VWA5B1: variants seen among roughly 807,000 people sequenced by gnomAD.
The protein encoded by VWA5B1 is von Willebrand factor A domain-containing protein 5B1.
Under a neutral mutation model 118.2 loss-of-function variants are expected in VWA5B1, and 115 were observed. That is an observed-to-expected ratio of 0.97 (90% CI 0.84 to 1.14). The LOEUF (loss-of-function observed/expected upper bound fraction) is 1.14, where lower values mean the gene tolerates loss of function less well. Among genes scored for constraint, VWA5B1 ranks in the 50% most tolerant of loss-of-function variants. The probability of loss-of-function intolerance (pLI) is 0.00; values close to 1 mark genes in which losing one functional copy is unlikely to be tolerated. For missense variants in VWA5B1, 1,596 were observed against 1,603.8 expected, an observed-to-expected ratio of 1.00 and a Z score of 0.08; for synonymous variants, 682 against 658.4, an observed-to-expected ratio of 1.04 and a Z score of -0.55.
At chr1:20,345,708 G>T in intron 17 of VWA5B1, 115 bp downstream of exon 17, 1 of 1,395,010 alleles carries the variant, frequency 7.2e-7, no homozygotes, top group Non-Finnish European at 9.4e-7. Flanking sequence ...GTGAGACAGG[G>T]CCTAGAAGCA....
intron 8 of VWA5B1, among the ~76,000 whole-genome samples, chr1:20,325,602 C>G (rs2100904167): frequency 6.6e-6 from 1 of 152,318 alleles, no homozygotes; most frequent in South Asian, 2.1e-4. Flanking sequence ...GGACTGAAAG[C>G]CTGTCCAATC....
chr1:20,357,880 C>T lies in VWA5B1; in HGVS notation c.*3617C>T, dbSNP rs2090257308. Among the ~76,000 whole-genome samples the T allele has an allele frequency of 6.6e-6, 1 of 152,142 alleles. No homozygotes were observed. ...GACCACAATAGCTCATGGTATTGCACAGCCAGAGGGGAGTTGGTGCTGGGG... is the reference window on the plus strand; with the variant it reads ...GACCACAATAGCTCATGGTATTGCATAGCCAGAGGGGAGTTGGTGCTGGGG... On this transcript the variant is annotated 3_prime_UTR_variant, in exon 22 of 22. Coordinates refer to ENST00000289815, the MANE Select transcript of VWA5B1 (RefSeq NM_001039500.3).
Position 20,352,163 on chromosome 1 carries a change from C to T in VWA5B1, c.3132C>T (p.Tyr1044=), listed in dbSNP as rs2090143162. ...ESTSGNQSFD[Y]IPLVSLQLAS... ...CCTCCGGGAACCAGAGCTTCGACTACATACCTCTGGTGAGTGCCCTGACCC... is the reference window on the plus strand; with the variant it reads ...CCTCCGGGAACCAGAGCTTCGACTATATACCTCTGGTGAGTGCCCTGACCC... Residue 1044 remains tyrosine (Y), a synonymous_variant, in exon 21 of 22, where the codon TAC becomes TAT. Coordinates refer to ENST00000289815, the MANE Select transcript of VWA5B1 (RefSeq NM_001039500.3). 3 of 1,550,920 alleles carry T rather than the reference C, an allele frequency of 1.9e-6. No individual in the cohort carries two copies. Among genetic ancestry groups the T allele is most frequent in the African/African-American group, 1.4e-5 (1 of 73,026 alleles).
At position 20,291,387 on chromosome 1, in the gene VWA5B1, T is replaced by TCTCTCTCTCTCTCTCTCTCTCTA. The variant is rs57894456; in HGVS notation, c.-27+299_-27+300insCTCTCTCTCTCTCTCTCTCTCTA. Reference sequence around the variant, plus strand: ...TCTCTCTCTCTCTCTCTCTCTCTCTTTCTGTCTCCTCTATTTCTCTCCCTC... The same window carrying TCTCTCTCTCTCTCTCTCTCTCTA: ...TCTCTCTCTCTCTCTCTCTCTCTCTTCTCTCTCTCTCTCTCTCTCTCTATCTGTCTCCTCTATTTCTCTCCCTC... On this transcript the variant is annotated intron_variant, in intron 1 of 21. Transcript: ENST00000289815. 1.3e-3 allele frequency among the ~76,000 whole-genome samples: 144 copies of TCTCTCTCTCTCTCTCTCTCTCTA among 114,188 alleles called. 1 individual carries two copies. The highest frequency in any genetic ancestry group is 5.7e-3 in the African/African-American group (137 of 24,008). The allele number at this position is 114,188 out of a possible 152,430, so 74.9% of individuals were successfully genotyped here. A position where few individuals can be genotyped will look rare whatever the true frequency, so the allele number is the denominator to read the frequency against.
rs527241820 is a variant in VWA5B1 at position 20,342,704 on chromosome 1, T to C, written c.2311+95T>C. ...ATGACAGGCCCAGAGGGCAGATGCC[T>C]GGGTCTGTCCCCTTGTGGTCTGCTG... is the stretch of plus-strand genomic sequence containing the variant. On this transcript the variant is annotated intron_variant, in intron 15 of 21. Transcript: ENST00000289815. The C allele has an allele frequency of 6.5e-6, 9 of 1,388,594 alleles. No homozygotes were observed. In the East Asian group the frequency reaches 2.1e-4, roughly 32 times the overall value. The allele number at this position is 1,388,594 out of a possible 1,614,324, so 86.0% of individuals were successfully genotyped here. A position where few individuals can be genotyped will look rare whatever the true frequency, so the allele number is the denominator to read the frequency against.
At chr1:20,324,837 C>G (rs1346319772) in intron 8 of VWA5B1, among the ~76,000 whole-genome samples, 2 of 152,130 alleles carry the variant, frequency 1.3e-5, no homozygotes, top group Non-Finnish European at 2.9e-5. Flanking sequence ...TCTCATGACA[C>G]AGGGGTGTAG....
intron 1 of VWA5B1, among the ~76,000 whole-genome samples, chr1:20,305,850 C>T (rs2088636567): frequency 1.3e-5 from 2 of 151,990 alleles, no homozygotes; most frequent in African/African-American, 4.8e-5. Flanking sequence ...TCTGTGGAGC[C>T]GCCCCTGACC....
chr1:20,297,850 T>C (rs1570040052), intron 1 of VWA5B1, among the ~76,000 whole-genome samples: 1 of 152,234 alleles, frequency 6.6e-6, no homozygotes, highest in Non-Finnish European at 1.5e-5. Flanking sequence ...AGTCTCCTCC[T>C]GATCCTTAAA....
intron 12 of VWA5B1, 139 bp from the exon 13 acceptor site, chr1:20,336,164 C>A: frequency 1.4e-6 from 1 of 690,606 alleles, no homozygotes; most frequent in Non-Finnish European, 2.1e-6. Context: ...ATTCCCTAAG[C>A]AAACACAAAG....
At chr1:20,332,479 C>CAAAAT (rs56767113) in intron 11 of VWA5B1, among the ~76,000 whole-genome samples, 9,379 of 88,660 alleles carry the variant, frequency 0.11, 878 homozygotes, top group Middle Eastern at 0.16. Flanking sequence ...GACTCTGTCT[C>CAAAAT]AAAATAAAAT....
chr1:20,318,768 A>C, intron 6 of VWA5B1, 47 bp downstream of exon 6: 2 of 1,444,756 alleles, frequency 1.4e-6, no homozygotes, highest in Non-Finnish European at 1.8e-6. Context: ...GGGAGGGAGG[A>C]GGTGCTGATC....
At chr1:20,342,876 G>A (rs774076700) in intron 15 of VWA5B1, among the ~76,000 whole-genome samples, 2 of 152,208 alleles carry the variant, frequency 1.3e-5, no homozygotes, top group Non-Finnish European at 2.9e-5. Context: ...CTTCCTGGGA[G>A]GCGGATCTGT....
chr1:20,318,928 G>T (rs2089117833), intron 6 of VWA5B1, among the ~76,000 whole-genome samples: 1 of 152,150 alleles, frequency 6.6e-6, no homozygotes, highest in African/African-American at 2.4e-5. Flanking sequence ...CTCCTGCCCT[G>T]ATTCAAGCTC....
intron 11 of VWA5B1, among the ~76,000 whole-genome samples, chr1:20,332,186 AT>A (rs2100935998): frequency 6.6e-6 from 1 of 152,280 alleles, no homozygotes; most frequent in Admixed American, 6.5e-5. Context: ...CATTTATAAA[AT>A]GCTAAACTGG....
chr1:20,349,253 T>G, intron 18 of VWA5B1: 1 of 431,486 alleles, frequency 2.3e-6, no homozygotes, highest in Non-Finnish European at 4.7e-6. Context: ...GAGAACCAGC[T>G]CCACCCCTGA....
Position 20,319,375 on chromosome 1 carries a change from T to C in VWA5B1, c.842-7T>C. 1 of 1,551,612 alleles carries C rather than the reference T, an allele frequency of 6.4e-7. No homozygotes were observed. Among genetic ancestry groups the C allele is most frequent in the Non-Finnish European group, 8.7e-7 (1 of 1,146,914 alleles). On this transcript the variant is annotated splice_polypyrimidine_tract_variant and splice_region_variant and intron_variant, in intron 6 of 21. Transcript: ENST00000289815. ...CCAAGTGCTGAAAGTCGATCTCATCTCTGCAGAGCCCCATATGCCCCATGT... is the reference window on the plus strand; with the variant it reads ...CCAAGTGCTGAAAGTCGATCTCATCCCTGCAGAGCCCCATATGCCCCATGT...
In VWA5B1 at chr1:20,354,220, A is replaced by C; in HGVS notation, c.3605A>C (p.Asn1202Thr). ...LFVLLRHWDE[N>T]LEFNMLCYNP... is the part of the protein sequence containing the mutation. Reference sequence around the variant, plus strand: ...GTGCTTCTGCGGCACTGGGATGAGAATCTCGAGTTCAATATGCTCTGCTAT... The same window carrying C: ...GTGCTTCTGCGGCACTGGGATGAGACTCTCGAGTTCAATATGCTCTGCTAT... The change falls in exon 22 of 22, where the codon AAT (asparagine) becomes ACT (threonine). Residue 1202 changes from asparagine (N) to threonine (T), a missense_variant. Asn to Thr is a moderately conservative substitution (Grantham distance 65). Transcript: ENST00000289815. 4 of 1,550,868 alleles carry C rather than the reference A, an allele frequency of 2.6e-6. No individual in the cohort carries two copies. The South Asian group carries it at 4.8e-5, about 18-fold the overall frequency.
chr1:20,292,575 G>A lies in VWA5B1; in HGVS notation c.-27+1487G>A, dbSNP rs920900837. Among the ~76,000 whole-genome samples, 7 of 152,348 alleles carry A rather than the reference G, an allele frequency of 4.6e-5. No individual in the cohort carries two copies. The South Asian group carries it at 1.0e-3, about 23-fold the overall frequency. The stretch of plus-strand genomic sequence containing the variant: ...TATATAAATGTGTTTACGTGTTTGT[G>A]GGTGCATGTGGGGGACACCCTGTGT... On this transcript the variant is annotated intron_variant, in intron 1 of 21. Coordinates refer to ENST00000289815, the MANE Select transcript of VWA5B1 (RefSeq NM_001039500.3).
intron 3 of VWA5B1, 143 bp from the exon 4 acceptor site, chr1:20,314,179 T>C: frequency 1.2e-6 from 1 of 838,672 alleles, no homozygotes. Flanking sequence ...CTTCAATGGC[T>C]TACTTATTCA....
Sources: gnomAD v4.1 joint callset for allele counts (sites outside exome capture counted in the v4.1 genomes callset) on GRCh38, gnomAD v4.1.1 for gene constraint, MANE v1.5 for transcripts, NCBI Gene and HGNC (gene_info 2026-07-23, HGNC 2026-07-21) for gene names.